The following DYNC2H1 variants were observed in gnomAD, a reference collection of about 807,000 sequenced individuals.
DYNC2H1 encodes the protein cytoplasmic dynein 2 heavy chain 1.
In DYNC2H1, 410 loss-of-function variants were observed where a neutral mutation model predicts 570.0. The observed-to-expected ratio is 0.72, with a 90% CI of 0.66 to 0.78. The LOEUF (loss-of-function observed/expected upper bound fraction) is 0.78. Among genes scored for constraint, DYNC2H1 ranks in the 30% least tolerant of loss-of-function variants. DYNC2H1 has a pLI of 0.00. For missense variants in DYNC2H1, 4,865 were observed against 5,046.4 expected (o/e 0.96, Z 1.09); for synonymous variants, 1,688 against 1,677.6 (o/e 1.01, Z -0.15).
chr11:103,279,409 C>T (rs1398394881), intron 70 of DYNC2H1, among the ~76,000 whole-genome samples: 1 of 152,176 alleles, frequency 6.6e-6, no homozygotes, highest in Non-Finnish European at 1.5e-5. Flanking sequence ...CCTAAGACTA[C>T]CGGCAGTGGA....
intron 5 of DYNC2H1, 75 bp from the exon 6 acceptor site, chr11:103,117,556 A>G (rs1053665388): frequency 1.7e-6 from 2 of 1,193,064 alleles, no homozygotes; most frequent in South Asian, 4.3e-5. Flanking sequence ...AAATATTGTC[A>G]TAAGCATGTA....
intron 45 of DYNC2H1, among the ~76,000 whole-genome samples, chr11:103,190,637 G>A (rs1862263494): frequency 6.6e-6 from 1 of 152,018 alleles, no homozygotes; most frequent in South Asian, 2.1e-4. Context: ...TTATAATATT[G>A]GAGTAGAAGT....
At chr11:103,433,523 GC>G (rs1168179635) in intron 84 of DYNC2H1, among the ~76,000 whole-genome samples, 1 of 152,080 alleles carries the variant, frequency 6.6e-6, no homozygotes, top group Admixed American at 6.6e-5. Context: ...TTCTCACAAG[GC>G]TCAGCTTCCA....
intron 83 of DYNC2H1, among the ~76,000 whole-genome samples, chr11:103,360,710 T>C (rs1858896947): frequency 6.6e-6 from 1 of 152,204 alleles, no homozygotes; most frequent in African/African-American, 2.4e-5. Context: ...CTAGGGACTA[T>C]GCAGAGATAC....
chr11:103,354,701 A>G (rs1479341755), intron 82 of DYNC2H1, among the ~76,000 whole-genome samples: 2 of 152,146 alleles, frequency 1.3e-5, no homozygotes, highest in Non-Finnish European at 2.9e-5. Context: ...TAAATTTATA[A>G]CAATGCTAGG....
intron 75 of DYNC2H1, among the ~76,000 whole-genome samples, chr11:103,300,720 A>C (rs1247256507): frequency 6.6e-6 from 1 of 151,970 alleles, no homozygotes; most frequent in Non-Finnish European, 1.5e-5. Context: ...TAAAAGTTAT[A>C]ATTGAATTTA....
At chr11:103,430,758 A>G (rs763272236) in intron 84 of DYNC2H1, among the ~76,000 whole-genome samples, 4 of 152,112 alleles carry the variant, frequency 2.6e-5, no homozygotes, top group Non-Finnish European at 5.9e-5. Flanking sequence ...ATAGATACTC[A>G]GGAAAAGACT....
At chr11:103,138,957 G>C (rs1378249424) in intron 17 of DYNC2H1, among the ~76,000 whole-genome samples, 7 of 150,852 alleles carry the variant, frequency 4.6e-5, no homozygotes, top group Non-Finnish European at 7.4e-5. Context: ...TGTATGTGTC[G>C]AGGAATTTAT....
chr11:103,133,247 C>T lies in DYNC2H1; in HGVS notation c.1954-308C>T, dbSNP rs922210527. 3.9e-5 allele frequency among the ~76,000 whole-genome samples: 6 copies of T among 152,006 alleles called. No homozygotes were observed. The highest frequency in any genetic ancestry group is 1.4e-4 in the African/African-American group (6 of 41,408). On this transcript the variant is annotated intron_variant, in intron 13 of 88. Coordinates refer to ENST00000375735, the MANE Select transcript of DYNC2H1 (RefSeq NM_001377.3). This position sits in a 1 kb window ranked among gnomAD's most constrained non-coding sequence, Gnocchi z 4.8. ...GATGTATAGGAGATAATAAGGAAAC[C>T]CAGGTTTGTCGTGCCTTAATTCCTC... is the stretch of plus-strand genomic sequence containing the variant.
In DYNC2H1 at chr11:103,363,826, T is replaced by C. The variant is rs867970904; in HGVS notation, c.12156+5467T>C. On this transcript the variant is annotated intron_variant, in intron 83 of 88. Coordinates refer to ENST00000375735, the MANE Select transcript of DYNC2H1 (RefSeq NM_001377.3). The surrounding 1 kb of genome is among the most constrained non-coding windows in gnomAD (Gnocchi z 5.6). ...TTATGTTTAAGGGGAGAAAACACTA[T>C]TATATAAAAGGTAAACACCAGCTAG... Among the ~76,000 whole-genome samples the C allele has an allele frequency of 3.3e-5, 5 of 152,216 alleles. No individual in the cohort carries two copies. Among genetic ancestry groups the C allele is most frequent in the South Asian group, 2.1e-4 (1 of 4,828 alleles).
intron 83 of DYNC2H1, among the ~76,000 whole-genome samples, chr11:103,365,423 G>T (rs980478610): frequency 2.0e-5 from 3 of 152,020 alleles, no homozygotes; most frequent in Non-Finnish European, 4.4e-5. Context: ...GGTTGCTGGA[G>T]ATTCTAAAAA....
chr11:103,467,456 C>A (rs987376975), intron 87 of DYNC2H1, among the ~76,000 whole-genome samples: 3 of 152,162 alleles, frequency 2.0e-5, no homozygotes, highest in African/African-American at 7.2e-5. Context: ...TTAGTGTTCC[C>A]TTCATTCTGA....
Position 103,177,421 on chromosome 11 carries a change from C to A in DYNC2H1, c.5875-135C>A. On this transcript the variant is annotated intron_variant, in intron 37 of 88. Transcript: ENST00000375735. The surrounding 1 kb of genome is among the most constrained non-coding windows in gnomAD (Gnocchi z 4.4). ...TCAGATTTATTTAGGTAGTCTATTA[C>A]ATTTTAGGCAATACCTTCCACTGAA... 1 of 732,098 alleles carries A rather than the reference C, an allele frequency of 1.4e-6. No individual in the cohort carries two copies. Among genetic ancestry groups the A allele is most frequent in the Non-Finnish European group, 2.1e-6 (1 of 473,670 alleles). 45.4% of individuals were successfully genotyped at this position (732,098 alleles called of 1,614,324 possible).
Position 103,117,259 on chromosome 11 carries a change from T to A in DYNC2H1, c.767-372T>A, listed in dbSNP as rs969842450. On this transcript the variant is annotated intron_variant, in intron 5 of 88. Coordinates refer to ENST00000375735, the MANE Select transcript of DYNC2H1 (RefSeq NM_001377.3). ...ATATATATATTTAATATATATATTT[T>A]ATATATATATATTTTTTAATATATA... Among the ~76,000 whole-genome samples the A allele has an allele frequency of 4.4e-4, 64 of 146,696 alleles. No individual in the cohort carries two copies. The Middle Eastern group carries it at 0.011, about 25-fold the overall frequency.
rs1279226767 is a variant in DYNC2H1 at position 103,319,274 on chromosome 11, C to A, written c.11726-1755C>A. Among the ~76,000 whole-genome samples, 1 of 152,054 alleles carries A rather than the reference C, an allele frequency of 6.6e-6. No individual in the cohort carries two copies. The highest frequency in any genetic ancestry group is 1.5e-5 in the Non-Finnish European group (1 of 67,974). On this transcript the variant is annotated intron_variant, in intron 80 of 88. Transcript: ENST00000375735. This position sits in a 1 kb window ranked among gnomAD's most constrained non-coding sequence, Gnocchi z 4.3. ...AATGATATTGAATCTGAGTAAAAAT[C>A]TGTTAAATCTTGATTACAGAATTTT...
chr11:103,347,008 T>C (rs529495301), intron 82 of DYNC2H1, among the ~76,000 whole-genome samples: 1 of 152,332 alleles, frequency 6.6e-6, no homozygotes, highest in African/African-American at 2.4e-5. Context: ...TCAGACACTA[T>C]GTGCCTCCTA....
intron 84 of DYNC2H1, among the ~76,000 whole-genome samples, chr11:103,408,780 T>C (rs1942971332): frequency 6.6e-6 from 1 of 152,050 alleles, no homozygotes; most frequent in South Asian, 2.1e-4. Context: ...GGTCAATATA[T>C]GTTAACTCGC....
Position 103,234,124 on chromosome 11 carries a change from T to G in DYNC2H1, c.9531T>G (p.Asn3177Lys). The change falls in exon 61 of 89, where the codon AAT becomes AAG. Residue 3177 changes from asparagine (N) to lysine (K), a missense_variant. Around this residue, in one of 5 missense-constraint regions of DYNC2H1, gnomAD observed 2,401 missense variants for 2,454.6 expected, o/e 0.98. Transcript: ENST00000375735. The stretch of plus-strand genomic sequence containing the variant: ...TCAAAGCTGCAGAAGTCTTAATTAA[T>G]CAGCTTGACAGAGAACATAAGAGAT... ...ETIKAAEVLI[N>K]QLDREHKRWN... 1 of 1,580,254 alleles carries G rather than the reference T, an allele frequency of 6.3e-7. No individual in the cohort carries two copies. The highest frequency in any genetic ancestry group is 8.6e-7 in the Non-Finnish European group (1 of 1,161,748).
Position 103,153,301 on chromosome 11 carries a change from AGATT to A in DYNC2H1, c.3098_3101del (p.Ile1033LysfsTer2). 1 of 1,532,574 alleles carries A rather than the reference AGATT, an allele frequency of 6.5e-7. No homozygotes were observed. Among genetic ancestry groups the A allele is most frequent in the South Asian group, 1.3e-5 (1 of 78,372 alleles). The allele number at this position is 1,532,574 out of a possible 1,614,324, so 94.9% of individuals were successfully genotyped here. On this transcript the variant is annotated splice_acceptor_variant and coding_sequence_variant, in exon 22 of 89. Transcript: ENST00000375735. LOFTEE classifies it high-confidence loss of function. ...AATTATTTAAATTTTATTGGCTTAT[AGATT>A]GAAGTGATGAAAGGAAATGTGAAAT... is the stretch of plus-strand genomic sequence containing the variant.
Sources: allele counts gnomAD v4.1 joint callset (sites outside exome capture counted in the v4.1 genomes callset), GRCh38; gene constraint gnomAD v4.1.1; regional missense constraint gnomAD v4.1.1; non-coding constraint Gnocchi (gnomAD v3.1); transcripts MANE v1.5; gene names NCBI Gene and HGNC (gene_info 2026-07-23, HGNC 2026-07-21).